CD36: variants seen among roughly 807,000 people sequenced by gnomAD.
CD36 encodes platelet glycoprotein 4.
CD36 carries 119 observed loss-of-function variants against 55.2 expected under a neutral mutation model. The observed-to-expected ratio is 2.15, with a 90% CI of 1.86 to 2.51. The LOEUF (loss-of-function observed/expected upper bound fraction) is 2.51, where lower values mean the gene tolerates loss of function less well. CD36 is among the 30% of genes most tolerant of loss of function. The pLI, the probability that CD36 is intolerant of heterozygous loss-of-function variation, is 0.00. For missense variants in CD36, 819 were observed against 555.5 expected (o/e 1.47, Z -4.77); for synonymous variants, 186 against 193.6 (o/e 0.96, Z 0.33).
intron 4 of CD36, 83 bp downstream of exon 4, chr7:80,656,783 T>A (rs1183088008): frequency 8.3e-7 from 1 of 1,209,502 alleles, no homozygotes; most frequent in Middle Eastern, 1.9e-4. Context: ...AATGTCATTG[T>A]ATTGAAATGT....
chr7:80,673,917 C>A, intron 13 of CD36, 66 bp from the exon 14 acceptor site: 6 of 1,160,836 alleles, frequency 5.2e-6, no homozygotes, highest in East Asian at 2.4e-5. Context: ...GGGTGATAGG[C>A]AATTGAAGGG....
At chr7:80,642,894 A>G (rs771872327) in intron 1 of CD36, among the ~76,000 whole-genome samples, 1 of 152,178 alleles carries the variant, frequency 6.6e-6, no homozygotes, top group African/African-American at 2.4e-5. Context: ...ATAGAATTCA[A>G]CAGAATAAAT....
rs1266777668 is a variant in CD36, at chr7:80,631,162, A to T, written c.-183-14926A>T. Among the ~76,000 whole-genome samples, 3 of 151,980 alleles carry T rather than the reference A, an allele frequency of 2.0e-5. No individual in the cohort carries two copies. In the South Asian group the frequency reaches 6.2e-4, roughly 31 times the overall value. On this transcript the variant is annotated intron_variant, in intron 1 of 13. Transcript: ENST00000309881. ...TAGCAATTAAGATTCCATACCTACT[A>T]TTGTTTACTTAATTCACAACCCCAG...
chr7:80,604,350 ATTTTTTTTTTTTTTTTTT>A (rs67213422), intron 1 of CD36, among the ~76,000 whole-genome samples: 652 of 54,292 alleles, frequency 0.012, 23 homozygotes, highest in East Asian at 0.065. Context: ...AGCCACTGGA[ATTTTTTTTTTTTTTTTTT>A]TTTTTTTTTT....
rs2116943513 is a variant in CD36 at position 80,676,567 on chromosome 7, C to T, written c.*184C>T. 6.6e-6 allele frequency: 1 copy of T among 152,244 alleles called. No homozygotes were observed. The highest frequency in any genetic ancestry group is 3.4e-3 in the Middle Eastern group (1 of 294). 9.4% of individuals were successfully genotyped at this position (152,244 alleles called of 1,614,324 possible). On this transcript the variant is annotated 3_prime_UTR_variant, in exon 15 of 15. Transcript: ENST00000447544. ...ATTCAACTGCAACAGTCTCCAGGAC[C>T]ATCAGTATACTGCATTTCATGTGCA... is the stretch of plus-strand genomic sequence containing the variant.
chr7:80,603,283 C>A (rs141530371), intron 1 of CD36, among the ~76,000 whole-genome samples: 19 of 152,222 alleles, frequency 1.2e-4, no homozygotes, highest in African/African-American at 4.6e-4. Flanking sequence ...TTCTGCTATT[C>A]TACAAGCCCT....
chr7:80,643,254 G>T (rs1225234660), intron 1 of CD36, among the ~76,000 whole-genome samples: 3 of 152,132 alleles, frequency 2.0e-5, no homozygotes, highest in African/African-American at 7.2e-5. Flanking sequence ...TTGTGGCATA[G>T]AATCTGGAGA....
intron 4 of CD36, among the ~76,000 whole-genome samples, chr7:80,659,436 T>G (rs1796354178): frequency 1.3e-5 from 2 of 152,202 alleles, no homozygotes; most frequent in Non-Finnish European, 2.9e-5. Flanking sequence ...CTTCAGAATA[T>G]TCTTAGATCT....
At chr7:80,650,519 A>T (rs997906) in intron 3 of CD36, among the ~76,000 whole-genome samples, 45,523 of 151,932 alleles carry the variant, frequency 0.3, 7,498 homozygotes, top group South Asian at 0.44. Context: ...TTTCACAAAC[A>T]TATGGGTTTT....
At chr7:80,673,055 C>CATGGT in intron 12 of CD36, 1 of 553,700 alleles carries the variant, frequency 1.8e-6, no homozygotes, top group Admixed American at 3.4e-5. Context: ...TTGATAGCAT[C>CATGGT]TCTTATTTTG....
Position 80,656,521 on chromosome 7 carries a change from CTTATT to C in CD36, c.121-16_121-12del. On this transcript the variant is annotated splice_polypyrimidine_tract_variant and intron_variant, in intron 3 of 14. Coordinates refer to ENST00000447544, the MANE Select transcript of CD36 (RefSeq NM_001001548.3). ...ACTTACTACAAAGACATAACCCAAACTTATTTTCTTTTTCATAGCAAGTTGTCCTC... is the reference window on the plus strand; with the variant it reads ...ACTTACTACAAAGACATAACCCAAACTTCTTTTTCATAGCAAGTTGTCCTC... The C allele has an allele frequency of 6.2e-7, 1 of 1,612,092 alleles. No homozygotes were observed. Among genetic ancestry groups the C allele is most frequent in the East Asian group, 2.2e-5 (1 of 44,732 alleles).
At chr7:80,663,473 T>C (rs1420351346) in intron 6 of CD36, among the ~76,000 whole-genome samples, 3 of 152,084 alleles carry the variant, frequency 2.0e-5, no homozygotes, top group Non-Finnish European at 2.9e-5. Context: ...TTGAGCACTG[T>C]TTTTGGCTTT....
At chr7:80,634,733 G>A (rs531289166), upstream of CD36, among the ~76,000 whole-genome samples, 9 of 152,036 alleles carry the variant, frequency 5.9e-5, no homozygotes, top group East Asian at 1.7e-3. Flanking sequence ...TACATTCCAT[G>A]AATCAGCTTG....
chr7:80,667,759 T>G (rs1399629361), intron 8 of CD36, among the ~76,000 whole-genome samples: 1 of 141,306 alleles, frequency 7.1e-6, no homozygotes, highest in Non-Finnish European at 1.6e-5. Context: ...TTTTTTTTTT[T>G]TTTTTTTTTG....
At chr7:80,642,023 A>G (rs1794852277) in intron 1 of CD36, among the ~76,000 whole-genome samples, 1 of 152,086 alleles carries the variant, frequency 6.6e-6, no homozygotes, top group African/African-American at 2.4e-5. Context: ...AATTCTACAA[A>G]AGGAATAGGA....
Position 80,673,950 on chromosome 7 carries a change from C to G in CD36, c.1255-33C>G, listed in dbSNP as rs766712992. ...GGGTTTATTTTGTTTTACTAACGTA[C>G]CCAAATAATGTTGATTATTAACTTG... is the stretch of plus-strand genomic sequence containing the variant. On this transcript the variant is annotated intron_variant, in intron 13 of 14. Coordinates refer to ENST00000447544, the MANE Select transcript of CD36 (RefSeq NM_001001548.3). The G allele has an allele frequency of 9.1e-5, 142 of 1,566,304 alleles. No homozygotes were observed. Among genetic ancestry groups the G allele is most frequent in the Non-Finnish European group, 1.2e-4 (132 of 1,138,648 alleles).
In CD36 at chr7:80,674,015, G is replaced by A. The variant is rs370961987; in HGVS notation, c.1287G>A (p.Met429Ile). Residue 429 changes from methionine (M) to isoleucine (I), a missense_variant, in exon 14 of 15, where the codon ATG becomes ATA. Coordinates refer to ENST00000447544, the MANE Select transcript of CD36 (RefSeq NM_001001548.3). ...TGTIGDEKAN[M>I]FRSQVTGKIN... ...CCATTGGTGATGAGAAGGCAAACAT[G>A]TTCAGAAGTCAAGTAACTGGAAAAA... The A allele has an allele frequency of 1.7e-5, 27 of 1,612,094 alleles. 1 individual carries two copies. In the South Asian group the frequency reaches 2.6e-4, roughly 16 times the overall value.
chr7:80,630,734 G>A lies in CD36; in HGVS notation c.-183-15354G>A, dbSNP rs1283949980. Among the ~76,000 whole-genome samples, 3 of 151,926 alleles carry A rather than the reference G, an allele frequency of 2.0e-5. No homozygotes were observed. The East Asian group carries it at 5.8e-4, about 29-fold the overall frequency. ...GTTGTTGAAAATGAGAGGAAAACAG[G>A]CCTAGCAATGATCTTGGATCAAGTC... On this transcript the variant is annotated intron_variant, in intron 1 of 13. Transcript: ENST00000309881.
intron 1 of CD36, among the ~76,000 whole-genome samples, chr7:80,613,455 C>CT (rs1041244174): frequency 6.6e-6 from 1 of 152,054 alleles, no homozygotes; most frequent in Non-Finnish European, 1.5e-5. Flanking sequence ...AAGATATCAT[C>CT]TAAACCAAGA....
Sources: allele counts gnomAD v4.1 joint callset (sites outside exome capture counted in the v4.1 genomes callset), GRCh38; gene constraint gnomAD v4.1.1; transcripts MANE v1.5; gene names NCBI Gene and HGNC (gene_info 2026-07-23, HGNC 2026-07-21).